RASAL2: variants seen among roughly 807,000 people sequenced by gnomAD.
RASAL2 encodes the protein RAS protein activator like 2, also known as ras GTPase-activating protein nGAP.
A neutral mutation model predicts 128.9 loss-of-function variants in RASAL2; 58 were observed. The observed-to-expected ratio is 0.45, with a 90% CI of 0.36 to 0.56. The LOEUF is 0.56. Ranked by LOEUF, RASAL2 falls within the 20% of genes least tolerant of loss-of-function variation. RASAL2 has a pLI of 0.00. For missense variants in RASAL2, 1,360 were observed against 1,601.6 expected, an observed-to-expected ratio of 0.85 and a Z score of 2.57; for synonymous variants, 561 against 580.8, an observed-to-expected ratio of 0.97 and a Z score of 0.49.
rs1425003848 is a variant in RASAL2 at position 178,475,242 on chromosome 1, C to T, written c.*2003C>T. 6.6e-6 allele frequency: 1 copy of T among 152,222 alleles called. No individual in the cohort carries two copies. The highest frequency in any genetic ancestry group is 2.4e-5 in the African/African-American group (1 of 41,462). 9.4% of individuals were successfully genotyped at this position (152,222 alleles called of 1,614,324 possible). A position where few individuals can be genotyped will look rare whatever the true frequency, so the allele number is the denominator to read the frequency against. On this transcript the variant is annotated 3_prime_UTR_variant, in exon 18 of 18. Coordinates refer to ENST00000367649, the MANE Select transcript of RASAL2 (RefSeq NM_170692.4). ...TCTCACTGTGTTTATCTGATCTGCA[C>T]ACTTTATATCCAGCTGTTTTGGCAC...
At chr1:178,125,077 C>T (rs1430974384) in intron 1 of RASAL2, among the ~76,000 whole-genome samples, 2 of 152,042 alleles carry the variant, frequency 1.3e-5, no homozygotes, top group Non-Finnish European at 2.9e-5. Context: ...GAATTATTGC[C>T]CAAACATCAG....
intron 1 of RASAL2, among the ~76,000 whole-genome samples, chr1:178,259,378 G>A (rs184652552): frequency 1.3e-5 from 2 of 152,102 alleles, no homozygotes; most frequent in Admixed American, 6.6e-5. Flanking sequence ...TGATCCGCCC[G>A]CCTCGGCCTC....
At chr1:178,433,882 A>T (rs1461714689) in intron 5 of RASAL2, among the ~76,000 whole-genome samples, 1 of 133,244 alleles carries the variant, frequency 7.5e-6, no homozygotes, top group Non-Finnish European at 1.5e-5. Flanking sequence ...GCACCACTGC[A>T]CTCCAGCCTG....
rs763516830 is a variant in RASAL2 at position 178,256,471 on chromosome 1, ATCT to A, written c.203-27088_203-27086del. Among the ~76,000 whole-genome samples the A allele has an allele frequency of 5.9e-5, 9 of 152,314 alleles. No individual in the cohort carries two copies. In the East Asian group the frequency reaches 9.6e-4, roughly 16 times the overall value. On this transcript the variant is annotated intron_variant, in intron 1 of 17. Transcript: ENST00000367649. ...TTTGCTCTCACTACTTCTATTCAAC[ATCT>A]TCTTGGAAATTCTAACCAGGGCAAT...
chr1:178,302,208 A>G lies in RASAL2; in HGVS notation c.457+2090A>G, dbSNP rs142553321. Among the ~76,000 whole-genome samples, 17 of 152,332 alleles carry G rather than the reference A, an allele frequency of 1.1e-4. No individual in the cohort carries two copies. In the East Asian group the frequency reaches 2.9e-3, roughly 26 times the overall value. On this transcript the variant is annotated intron_variant, in intron 3 of 17. Coordinates refer to ENST00000367649, the MANE Select transcript of RASAL2 (RefSeq NM_170692.4). ...AGGTATTTCATTGAATAATTGCTGT[A>G]TATGTAACATTCTATGCCAGTCGCT...
At chr1:178,394,752 T>G (rs958619253) in intron 4 of RASAL2, among the ~76,000 whole-genome samples, 1 of 152,208 alleles carries the variant, frequency 6.6e-6, no homozygotes, top group African/African-American at 2.4e-5. Flanking sequence ...GAAAGCATAA[T>G]TGAACTAAGG....
In RASAL2 at chr1:178,314,369, A is replaced by T. The variant is rs189984233; in HGVS notation, c.457+14251A>T. ...GTAGTATTGGTGGTGAGCCTAGCAAATATTAGGCTAACAAAATAATTCTCT... is the reference window on the plus strand; with the variant it reads ...GTAGTATTGGTGGTGAGCCTAGCAATTATTAGGCTAACAAAATAATTCTCT... On this transcript the variant is annotated intron_variant, in intron 3 of 17. Transcript: ENST00000367649. Among the ~76,000 whole-genome samples the T allele has an allele frequency of 3.9e-5, 6 of 152,326 alleles. No homozygotes were observed. The South Asian group carries it at 6.2e-4, about 16-fold the overall frequency.
At chr1:178,273,050 A>G (rs750863324) in intron 1 of RASAL2, among the ~76,000 whole-genome samples, 1 of 152,232 alleles carries the variant, frequency 6.6e-6, no homozygotes. Flanking sequence ...GGCCAAAAAC[A>G]TAAGTGCCAC....
chr1:178,290,448 G>A (rs563027163), intron 2 of RASAL2, among the ~76,000 whole-genome samples: 1 of 152,206 alleles, frequency 6.6e-6, no homozygotes, highest in Non-Finnish European at 1.5e-5. Context: ...TTGAATACAT[G>A]ATTCCATCTT....
At chr1:178,175,437 C>CAT (rs71567181) in intron 1 of RASAL2, among the ~76,000 whole-genome samples, 2 of 144,334 alleles carry the variant, frequency 1.4e-5, no homozygotes, top group African/African-American at 2.6e-5. Flanking sequence ...TACATGGTTA[C>CAT]GTGTGTGTGT....
chr1:178,286,954 A>G (rs1301565537), intron 2 of RASAL2, among the ~76,000 whole-genome samples: 7 of 151,986 alleles, frequency 4.6e-5, no homozygotes, highest in African/African-American at 1.2e-4. Flanking sequence ...AATACCTTCT[A>G]TCTTTCTAGC....
intron 1 of RASAL2, among the ~76,000 whole-genome samples, chr1:178,282,055 A>G (rs1666806882): frequency 6.6e-6 from 1 of 152,122 alleles, no homozygotes; most frequent in African/African-American, 2.4e-5. Context: ...GGTAGGGGAG[A>G]GAGGGTTGGT....
Position 178,390,087 on chromosome 1 carries a change from TCC to T in RASAL2, c.458-12_458-11del. The T allele has an allele frequency of 3.8e-6, 6 of 1,570,118 alleles. No individual in the cohort carries two copies. The highest frequency in any genetic ancestry group is 4.3e-6 in the Non-Finnish European group (5 of 1,154,384). The stretch of plus-strand genomic sequence containing the variant: ...GTTCTTAATGATGTTTCAACTTTCC[TCC>T]TTTTTTCCAGAGGTACCAGCAGAAA... On this transcript the variant is annotated splice_polypyrimidine_tract_variant and intron_variant, in intron 3 of 17. Transcript: ENST00000367649.
At chr1:178,401,478 T>C (rs999939028) in intron 4 of RASAL2, among the ~76,000 whole-genome samples, 1 of 152,108 alleles carries the variant, frequency 6.6e-6, no homozygotes, top group Non-Finnish European at 1.5e-5. Context: ...TGTCAACTCT[T>C]TAAAAGTTCC....
rs552942067 is a variant in RASAL2, at chr1:178,259,976, T to G, written c.203-23588T>G. 6.6e-5 allele frequency among the ~76,000 whole-genome samples: 10 copies of G among 152,272 alleles called. No homozygotes were observed. The South Asian group carries it at 2.1e-3, about 32-fold the overall frequency. On this transcript the variant is annotated intron_variant, in intron 1 of 17. Transcript: ENST00000367649. Reference sequence around the variant, plus strand: ...GTTTGAATTACTGAAAAATAATCTTTTATTTTAGACCTAATGATCTTACAA... The same window carrying G: ...GTTTGAATTACTGAAAAATAATCTTGTATTTTAGACCTAATGATCTTACAA...
chr1:178,222,906 C>G (rs1663660891), intron 1 of RASAL2, among the ~76,000 whole-genome samples: 1 of 151,624 alleles, frequency 6.6e-6, no homozygotes, highest in Non-Finnish European at 1.5e-5. Flanking sequence ...TTCTTTTTTC[C>G]TTTTTTAATA....
intron 1 of RASAL2, among the ~76,000 whole-genome samples, chr1:178,169,902 A>G (rs1661648907): frequency 6.6e-6 from 1 of 151,996 alleles, no homozygotes; most frequent in African/African-American, 2.4e-5. Flanking sequence ...TCCATTTTAT[A>G]CTTTAAAGAA....
intron 1 of RASAL2, among the ~76,000 whole-genome samples, chr1:178,186,890 C>T (rs1293985468): frequency 6.6e-6 from 1 of 151,914 alleles, no homozygotes; most frequent in African/African-American, 2.4e-5. Context: ...GTGGTACAAT[C>T]ATAGCTCACT....
intron 1 of RASAL2, among the ~76,000 whole-genome samples, chr1:178,271,014 A>G (rs772095916): frequency 2.0e-5 from 3 of 152,102 alleles, no homozygotes; most frequent in Non-Finnish European, 4.4e-5. Flanking sequence ...TCTTTTGTCC[A>G]CCATTTATTT....
Sources: gnomAD v4.1 joint callset for allele counts (sites outside exome capture counted in the v4.1 genomes callset) on GRCh38, gnomAD v4.1.1 for gene constraint, MANE v1.5 for transcripts, NCBI Gene and HGNC (gene_info 2026-07-23, HGNC 2026-07-21) for gene names.